KCNIP1: variants seen among roughly 807,000 people sequenced by gnomAD.
KCNIP1 encodes the protein potassium voltage-gated channel interacting protein 1, also known as A-type potassium channel modulatory protein KCNIP1.
KCNIP1 carries 18 observed loss-of-function variants against 33.0 expected under a neutral mutation model. The observed-to-expected ratio is 0.55, with a 90% CI of 0.38 to 0.81. The LOEUF (loss-of-function observed/expected upper bound fraction) is 0.81. Among genes scored for constraint, KCNIP1 ranks in the 30% least tolerant of loss-of-function variants. KCNIP1 has a pLI of 0.00. For missense variants in KCNIP1, 238 were observed against 271.6 expected (o/e 0.88, Z 0.87); for synonymous variants, 93 against 98.3 (o/e 0.95, Z 0.32).
intron 1 of KCNIP1, among the ~76,000 whole-genome samples, chr5:170,698,702 C>T (rs998294326): frequency 3.3e-5 from 5 of 152,162 alleles, no homozygotes; most frequent in Non-Finnish European, 4.4e-5. Context: ...CTGTCTAACC[C>T]ACTGCTTCTA....
chr5:170,483,122 C>T (rs1757012061), intron 1 of KCNIP1: 1 of 449,304 alleles, frequency 2.2e-6, no homozygotes, highest in African/African-American at 2.0e-5. Context: ...CGTGTGTGCA[C>T]CTGCAGGCTG....
intron 1 of KCNIP1, among the ~76,000 whole-genome samples, chr5:170,471,061 C>T (rs1394698732): frequency 6.6e-6 from 1 of 152,190 alleles, no homozygotes; most frequent in Non-Finnish European, 1.5e-5. Context: ...TTGTCTTAAG[C>T]TACTATTACC....
intron 1 of KCNIP1, among the ~76,000 whole-genome samples, chr5:170,689,228 T>G (rs1277988027): frequency 6.6e-6 from 1 of 152,188 alleles, no homozygotes; most frequent in Non-Finnish European, 1.5e-5. Flanking sequence ...ATGAATTGAC[T>G]CTAGAACAGA....
chr5:170,378,879 TAGA>T, intron 1 of KCNIP1: 2 of 1,614,220 alleles, frequency 1.2e-6, no homozygotes, highest in South Asian at 2.2e-5. Flanking sequence ...GGAGAAGCAG[TAGA>T]AGACCTGCTG....
intron 1 of KCNIP1, among the ~76,000 whole-genome samples, chr5:170,616,255 A>C (rs1436211448): frequency 2.0e-5 from 3 of 152,226 alleles, no homozygotes; most frequent in Non-Finnish European, 2.9e-5. Context: ...CCTGGTACTC[A>C]TAACTGTTTT....
intron 1 of KCNIP1, among the ~76,000 whole-genome samples, chr5:170,615,233 A>G (rs907218869): frequency 3.9e-5 from 6 of 152,116 alleles, no homozygotes; most frequent in African/African-American, 1.2e-4. Context: ...AAAAACAAAA[A>G]AAGGAAAAAA....
chr5:170,583,712 A>G (rs1375732469), intron 1 of KCNIP1, among the ~76,000 whole-genome samples: 5 of 152,204 alleles, frequency 3.3e-5, no homozygotes, highest in Admixed American at 3.3e-4. Context: ...CCCACCCCCG[A>G]GGCAATGAAT....
chr5:170,625,235 GGCACACGTGT>G (rs777197231), intron 1 of KCNIP1, among the ~76,000 whole-genome samples: 6 of 152,086 alleles, frequency 3.9e-5, no homozygotes, highest in South Asian at 4.2e-4. Flanking sequence ...GCTCCCACAG[GGCACACGTGT>G]GCACACGTGT....
chr5:170,514,400 A>G (rs1446735937), intron 1 of KCNIP1, among the ~76,000 whole-genome samples: 1 of 152,152 alleles, frequency 6.6e-6, no homozygotes, highest in Non-Finnish European at 1.5e-5. Context: ...TTCCCCACCC[A>G]TCGAAATCAG....
intron 1 of KCNIP1, among the ~76,000 whole-genome samples, chr5:170,544,837 C>G (rs1233607151): frequency 1.3e-5 from 2 of 152,084 alleles, no homozygotes; most frequent in Non-Finnish European, 2.9e-5. Flanking sequence ...AACTCCTGTA[C>G]CCACTTCTTT....
Position 170,406,543 on chromosome 5 carries a change from G to C in KCNIP1, c.88+52579G>C, listed in dbSNP as rs576474602. 7.2e-5 allele frequency among the ~76,000 whole-genome samples: 11 copies of C among 152,344 alleles called. No homozygotes were observed. The East Asian group carries it at 1.9e-3, about 27-fold the overall frequency. The stretch of plus-strand genomic sequence containing the variant: ...TAATTACACCTACTGAATTTAAAAA[G>C]TGGCTCAGGCACAAGAGGTGAGTGG... On this transcript the variant is annotated intron_variant, in intron 1 of 7. Coordinates refer to the KCNIP1 transcript ENST00000377360.
chr5:170,515,288 C>T (rs1425167219), intron 1 of KCNIP1, among the ~76,000 whole-genome samples: 2 of 152,216 alleles, frequency 1.3e-5, no homozygotes, highest in African/African-American at 4.8e-5. Context: ...CAGGGACCCT[C>T]TGTCATTCCC....
chr5:170,729,591 G>C (rs2113891077), intron 5 of KCNIP1, among the ~76,000 whole-genome samples: 1 of 152,056 alleles, frequency 6.6e-6, no homozygotes, highest in African/African-American at 2.4e-5. Context: ...CAAAGCAGAT[G>C]AAAAAATAGT....
intron 1 of KCNIP1, among the ~76,000 whole-genome samples, chr5:170,546,127 T>G (rs917254750): frequency 2.6e-5 from 4 of 152,222 alleles, no homozygotes; most frequent in African/African-American, 9.6e-5. Context: ...TCTTCATGGC[T>G]TTGGCTGGGA....
intron 1 of KCNIP1, among the ~76,000 whole-genome samples, chr5:170,477,651 C>T (rs1756886752): frequency 6.6e-6 from 1 of 152,054 alleles, no homozygotes; most frequent in Non-Finnish European, 1.5e-5. Flanking sequence ...ACCGTGTGGG[C>T]CAGGCTGGTC....
At chr5:170,558,267 A>G (rs1756909167) in intron 1 of KCNIP1, among the ~76,000 whole-genome samples, 1 of 152,254 alleles carries the variant, frequency 6.6e-6, no homozygotes, top group African/African-American at 2.4e-5. Flanking sequence ...GCCCGTAATT[A>G]CATCAAGTGC....
chr5:170,710,860 C>T (rs561730858), intron 1 of KCNIP1, among the ~76,000 whole-genome samples: 1 of 152,324 alleles, frequency 6.6e-6, no homozygotes, highest in African/African-American at 2.4e-5. Context: ...GACATCCCTT[C>T]TAGTCCCATG....
At chr5:170,597,445 C>T (rs13164430) in intron 1 of KCNIP1, among the ~76,000 whole-genome samples, 47,726 of 151,932 alleles carry the variant, frequency 0.31, 7,543 homozygotes, top group Middle Eastern at 0.37. Context: ...TGCAAAGAGG[C>T]GTCTCCCTCC....
chr5:170,636,758 G>T (rs1207720840), intron 1 of KCNIP1, among the ~76,000 whole-genome samples: 2 of 152,112 alleles, frequency 1.3e-5, no homozygotes, highest in Non-Finnish European at 2.9e-5. Flanking sequence ...TGAGGTGAGA[G>T]CAAGCATTTA....
Sources: gnomAD v4.1 joint callset for allele counts (sites outside exome capture counted in the v4.1 genomes callset) on GRCh38, gnomAD v4.1.1 for gene constraint, MANE v1.5 for transcripts, NCBI Gene and HGNC (gene_info 2026-07-23, HGNC 2026-07-21) for gene names.